The following AHCTF1 variants were observed in gnomAD, a reference collection of about 807,000 sequenced individuals.
AHCTF1 encodes the protein AT-hook containing transcription factor 1.
A neutral mutation model predicts 248.4 loss-of-function variants in AHCTF1; 24 were observed. That is an observed-to-expected ratio of 0.10 (90% CI 0.07 to 0.14). The LOEUF is 0.14. Among genes scored for constraint, AHCTF1 ranks in the 10% least tolerant of loss-of-function variants. The pLI is 1.00. For synonymous variants in AHCTF1, 786 were observed against 929.8 expected, an observed-to-expected ratio of 0.85 and a Z score of 2.81; for missense variants, 2,206 against 2,636.2, an observed-to-expected ratio of 0.84 and a Z score of 3.57.
intron 14 of AHCTF1, among the ~76,000 whole-genome samples, chr1:246,893,257 CACTT>C (rs1302131456): frequency 2.0e-5 from 3 of 152,168 alleles, no homozygotes. Context: ...ATTACTGAAA[CACTT>C]AAATTATTTC....
intron 21 of AHCTF1, among the ~76,000 whole-genome samples, chr1:246,877,879 T>C (rs1183958054): frequency 6.6e-6 from 1 of 152,050 alleles, no homozygotes; most frequent in African/African-American, 2.4e-5. Context: ...TACACAGAAG[T>C]CTTCCAGAAT....
In AHCTF1 at chr1:246,859,749, T is replaced by A. The variant is rs12727819; in HGVS notation, c.4132+1150A>T. 3.2e-3 allele frequency among the ~76,000 whole-genome samples: 491 copies of A among 152,126 alleles called. 1 individual carries two copies. Among genetic ancestry groups the A allele is most frequent in the African/African-American group, 0.011 (443 of 41,524 alleles). On this transcript the variant is annotated intron_variant, in intron 29 of 35. Transcript: ENST00000648844. Reference sequence around the variant, plus strand: ...TGCTATCGTGCCCAGCTAATTTTTTTATATTTTTTGTAGAGATGGGGTCTC... The same window carrying A: ...TGCTATCGTGCCCAGCTAATTTTTTAATATTTTTTGTAGAGATGGGGTCTC...
At chr1:246,897,829 A>G (rs1433439642) in intron 12 of AHCTF1, among the ~76,000 whole-genome samples, 1 of 151,104 alleles carries the variant, frequency 6.6e-6, no homozygotes, top group Non-Finnish European at 1.5e-5. Flanking sequence ...AAAAAAAAAA[A>G]GGGCTAAGCA....
rs1250194601 is a variant in AHCTF1 at position 246,853,281 on chromosome 1, C to A, written c.4373G>T (p.Gly1458Val). The change falls in exon 32 of 36, where the codon GGT (glycine) becomes GTT (valine). Residue 1458 changes from glycine (G) to valine (V), a missense_variant. By Grantham distance (109) the Gly-to-Val change is moderately radical. Transcript: ENST00000648844. ...AGTGAGCGAGGAGTTTCCACCATCA[C>A]CAAGGACATCAGCCATAGCTGAAAG... ...NDNKSMADVL[G>V]DGGNSSLTIS... 4 of 1,612,198 alleles carry A rather than the reference C, an allele frequency of 2.5e-6. No homozygotes were observed. In the South Asian group the frequency reaches 3.3e-5, roughly 13 times the overall value.
intron 26 of AHCTF1, among the ~76,000 whole-genome samples, chr1:246,866,635 C>CT: frequency 6.6e-6 from 1 of 151,738 alleles, no homozygotes; most frequent in East Asian, 1.9e-4. Context: ...GTAATTTTGT[C>CT]TTTGATAAAA....
chr1:246,906,380 C>A (rs1572447911), intron 5 of AHCTF1, among the ~76,000 whole-genome samples: 1 of 151,792 alleles, frequency 6.6e-6, no homozygotes, highest in African/African-American at 2.4e-5. Context: ...GAGTTCGAGA[C>A]CAGTCTGACC....
chr1:246,907,697 T>C lies in AHCTF1; in HGVS notation c.618A>G (p.Arg206=). The change falls in exon 5 of 36, where the codon AGA becomes AGG. Residue 206 remains arginine, a synonymous_variant. Coordinates refer to ENST00000648844, the MANE Select transcript of AHCTF1 (RefSeq NM_001323342.2). ...EVPHIRESVM[R]QGRHLCFQLV... is the part of the protein sequence containing the mutation. ...ACTGGAAACACAGATGGCGCCCTTG[T>C]CTCATTACACTTTCTCTAATGTGTG... The C allele has an allele frequency of 6.2e-7, 1 of 1,614,014 alleles. No homozygotes were observed. The highest frequency in any genetic ancestry group is 1.1e-5 in the South Asian group (1 of 91,080).
chr1:246,900,987 GAGA>G (rs1278450168), intron 8 of AHCTF1, among the ~76,000 whole-genome samples: 2 of 152,122 alleles, frequency 1.3e-5, no homozygotes, highest in African/African-American at 4.8e-5. Context: ...ACATCAACAG[GAGA>G]AGAAGAAAGT....
intron 15 of AHCTF1, among the ~76,000 whole-genome samples, 165 bp from the exon 16 acceptor site, chr1:246,891,225 T>C (rs576048129): frequency 6.6e-6 from 1 of 152,306 alleles, no homozygotes; most frequent in South Asian, 2.1e-4. Context: ...TTCATCTTTG[T>C]ATTTAGTTTA....
Position 246,839,873 on chromosome 1 carries a change from T to A in AHCTF1, c.*933A>T, listed in dbSNP as rs1659729856. On this transcript the variant is annotated 3_prime_UTR_variant, in exon 36 of 36. Coordinates refer to ENST00000648844, the MANE Select transcript of AHCTF1 (RefSeq NM_001323342.2). ...TGTGTTGTTTTTCTCCTTTTCTACA[T>A]CTACTCACTCTCTCCCAACCTCAAT... 1 of 152,638 alleles carries A rather than the reference T, an allele frequency of 6.6e-6. No individual in the cohort carries two copies. Among genetic ancestry groups the A allele is most frequent in the African/African-American group, 2.4e-5 (1 of 41,452 alleles). The allele number at this position is 152,638 out of a possible 1,614,324, so 9.5% of individuals were successfully genotyped here.
Position 246,887,319 on chromosome 1 carries a change from G to A in AHCTF1, c.2364C>T (p.Pro788=). 1 of 1,612,834 alleles carries A rather than the reference G, an allele frequency of 6.2e-7. No individual in the cohort carries two copies. The highest frequency in any genetic ancestry group is 1.1e-5 in the South Asian group (1 of 90,830). ...YLLLDIMYSF[P]NKTDTPIESF... ...ATTCAATGGGAGTGTCTGTTTTGTT[G>A]GGAAAGGAATACATAATATCAAGTA... The change falls in exon 20 of 36, where the codon CCC becomes CCT. Residue 788 remains proline (P), a synonymous_variant. Transcript: ENST00000648844.
chr1:246,910,858 C>T (rs1369148889), intron 4 of AHCTF1, among the ~76,000 whole-genome samples: 1 of 152,114 alleles, frequency 6.6e-6, no homozygotes, highest in Non-Finnish European at 1.5e-5. Flanking sequence ...AATGGGTAAG[C>T]CCTATGTGTT....
At position 246,899,689 on chromosome 1, in the gene AHCTF1, C is replaced by T. The variant is rs147054466; in HGVS notation, c.1433-177G>A. 6.5e-3 allele frequency among the ~76,000 whole-genome samples: 983 copies of T among 152,076 alleles called. 9 individuals carry two copies. Among genetic ancestry groups the T allele is most frequent in the South Asian group, 0.031 (151 of 4,826 alleles). ...AAGAATAGATAACAAACCTATTACA[C>T]AGCAAAACAAGAAAAAAGCAAAAAA... On this transcript the variant is annotated intron_variant, in intron 10 of 35. Transcript: ENST00000648844.
chr1:246,924,940 C>T (rs1226641011), intron 1 of AHCTF1, among the ~76,000 whole-genome samples: 3 of 152,106 alleles, frequency 2.0e-5, no homozygotes, highest in Non-Finnish European at 4.4e-5. Flanking sequence ...ATACTCAAGC[C>T]TTAGTTGCTC....
intron 35 of AHCTF1, among the ~76,000 whole-genome samples, chr1:246,842,044 C>T (rs957496115): frequency 1.3e-5 from 2 of 151,310 alleles, no homozygotes; most frequent in Non-Finnish European, 2.9e-5. Flanking sequence ...CCACCCACCT[C>T]GGCCTCCCAA....
rs143883846 is a variant in AHCTF1 at position 246,891,042 on chromosome 1, T to C, written c.1964A>G (p.Asn655Ser). Residue 655 changes from asparagine to serine, a missense_variant, in exon 16 of 36, where the codon AAT becomes AGT. Coordinates refer to ENST00000648844, the MANE Select transcript of AHCTF1 (RefSeq NM_001323342.2). ...GATGAGGTGGGAAACCACAAACTTA[T>C]TGCTTAAGTCTATCAGTCCTGTAAA... ...ITERGLIDLS[N>S]KFVVSHLICQ... 8,128 of 1,555,800 alleles carry C rather than the reference T, an allele frequency of 5.2e-3. 32 individuals carry two copies. Among genetic ancestry groups the C allele is most frequent in the Non-Finnish European group, 6.4e-3 (7,376 of 1,158,758 alleles).
chr1:246,927,768 G>A (rs1667044945), intron 1 of AHCTF1, among the ~76,000 whole-genome samples: 1 of 152,178 alleles, frequency 6.6e-6, no homozygotes, highest in Admixed American at 6.5e-5. Flanking sequence ...ACTTTGGGAG[G>A]CCGAGGCTGG....
At chr1:246,911,110 C>T (rs1316635677) in intron 4 of AHCTF1, among the ~76,000 whole-genome samples, 2 of 152,184 alleles carry the variant, frequency 1.3e-5, no homozygotes, top group African/African-American at 4.8e-5. Context: ...TGGTTCTGAT[C>T]ACAATCCAGA....
chr1:246,868,699 A>G (rs951731511), intron 24 of AHCTF1, among the ~76,000 whole-genome samples: 1 of 151,932 alleles, frequency 6.6e-6, no homozygotes, highest in Non-Finnish European at 1.5e-5. Context: ...TTCATTATGC[A>G]TACACTAGTA....
Sources: gnomAD v4.1 joint callset for allele counts (sites outside exome capture counted in the v4.1 genomes callset) on GRCh38, gnomAD v4.1.1 for gene constraint, MANE v1.5 for transcripts, NCBI Gene and HGNC (gene_info 2026-07-23, HGNC 2026-07-21) for gene names.